Variants in PTPRT observed in about 807,000 individuals in gnomAD.
PTPRT encodes the protein protein tyrosine phosphatase receptor type T.
Under a neutral mutation model 176.8 loss-of-function variants are expected in PTPRT, and 56 were observed. The observed-to-expected ratio is 0.32, with a 90% CI of 0.26 to 0.40. The LOEUF (loss-of-function observed/expected upper bound fraction) is 0.40, where lower values mean the gene tolerates loss of function less well. PTPRT is among the 10% of genes least tolerant of loss of function. PTPRT has a pLI of 1.00. For missense variants in PTPRT, 1,540 were observed against 1,908.2 expected (o/e 0.81, Z 3.60); for synonymous variants, 783 against 739.0 (o/e 1.06, Z -0.96).
chr20:42,318,939 C>T (rs1156235928), intron 11 of PTPRT, among the ~76,000 whole-genome samples: 1 of 152,152 alleles, frequency 6.6e-6, no homozygotes, highest in Non-Finnish European at 1.5e-5. Flanking sequence ...CATGGCTGTC[C>T]TCATTTACTG....
rs118121509 is a variant in PTPRT, at chr20:42,409,856, G to T, written c.1560+38364C>A. On this transcript the variant is annotated intron_variant, in intron 9 of 30. Transcript: ENST00000373187. ...GTCATACTATCTACTTGGCTTAAAA[G>T]AAAACTTGTTTAATTCTAGAAATGG... is the stretch of plus-strand genomic sequence containing the variant. Among the ~76,000 whole-genome samples the T allele has an allele frequency of 2.0e-4, 31 of 152,270 alleles. No homozygotes were observed. In the East Asian group the frequency reaches 5.8e-3, roughly 28 times the overall value.
rs1309966204 is a variant in PTPRT at position 42,106,908 on chromosome 20, G to T, written c.3268C>A (p.Arg1090=). 2 of 1,614,040 alleles carry T rather than the reference G, an allele frequency of 1.2e-6. No individual in the cohort carries two copies. The highest frequency in any genetic ancestry group is 1.7e-6 in the Non-Finnish European group (2 of 1,179,972). Residue 1090 remains arginine (R), a synonymous_variant, in exon 24 of 31, where the codon CGG becomes AGG. Coordinates refer to ENST00000373187, the MANE Select transcript of PTPRT (RefSeq NM_007050.6). ...TCAATGGCAATGAAGCAGCCAGTCC[G>T]CCCAGCCCCAGCACTGGAAGAGAGG... The part of the protein sequence containing the change: ...IVVHCSAGAG[R]TGCFIAIDTM...
intron 14 of PTPRT, among the ~76,000 whole-genome samples, chr20:42,246,775 G>A (rs117654772): frequency 3.9e-5 from 6 of 152,126 alleles, no homozygotes; most frequent in African/African-American, 1.2e-4. Flanking sequence ...AAAATTTCAG[G>A]TCTATCAAAG....
chr20:42,141,920 A>G lies in PTPRT; in HGVS notation c.2765T>C (p.Ile922Thr). 1.2e-6 allele frequency: 2 copies of G among 1,613,808 alleles called. No homozygotes were observed. Among genetic ancestry groups the G allele is most frequent in the Non-Finnish European group, 1.7e-6 (2 of 1,179,662 alleles). Residue 922 changes from isoleucine to threonine, a missense_variant, in exon 18 of 31, where the codon ATA becomes ACA. Ile to Thr is a moderately conservative substitution (Grantham distance 89, BLOSUM62 -1). Transcript: ENST00000373187. The stretch of plus-strand genomic sequence containing the variant: ...GCTCCCAGAAGGGCACCTACAGGAT[A>G]TGATGTTCCCATATCGATTCTTATT... ...NRNKNRYGNI[I>T]SYDHSRVRLL...
At chr20:42,876,295 T>C (rs1302942966) in intron 2 of PTPRT, among the ~76,000 whole-genome samples, 1 of 152,208 alleles carries the variant, frequency 6.6e-6, no homozygotes, top group Non-Finnish European at 1.5e-5. Flanking sequence ...TCAGGTGTGA[T>C]TAAGGACACT....
At chr20:42,493,933 C>T (rs6102861) in intron 7 of PTPRT, among the ~76,000 whole-genome samples, 1,597 of 152,186 alleles carry the variant, frequency 0.01, 33 homozygotes, top group African/African-American at 0.036. Context: ...ACCTCCCCAT[C>T]TTCAGTGGAG....
chr20:42,609,070 A>G (rs981079789), intron 7 of PTPRT, among the ~76,000 whole-genome samples: 3 of 151,910 alleles, frequency 2.0e-5, no homozygotes, highest in African/African-American at 4.8e-5. Flanking sequence ...ACACTCCAAC[A>G]CTTTTTTTTC....
intron 1 of PTPRT, among the ~76,000 whole-genome samples, chr20:42,976,771 C>T (rs1349405611): frequency 1.3e-5 from 2 of 152,152 alleles, no homozygotes; most frequent in East Asian, 3.8e-4. Flanking sequence ...CAGGAAGATG[C>T]TTAAAGGCTC....
intron 2 of PTPRT, among the ~76,000 whole-genome samples, chr20:42,870,315 T>C (rs1338950347): frequency 2.0e-5 from 3 of 152,360 alleles, no homozygotes; most frequent in East Asian, 1.9e-4. Context: ...GGTTCATCCA[T>C]GTTGTAGCAT....
intron 17 of PTPRT, among the ~76,000 whole-genome samples, chr20:42,143,227 G>A (rs1386047247): frequency 6.6e-6 from 1 of 152,198 alleles, no homozygotes; most frequent in Admixed American, 6.5e-5. Flanking sequence ...CAGGCTCTGG[G>A]AGGGGCATGG....
At chr20:42,584,408 C>T (rs1275258266) in intron 7 of PTPRT, among the ~76,000 whole-genome samples, 1 of 152,122 alleles carries the variant, frequency 6.6e-6, no homozygotes, top group Non-Finnish European at 1.5e-5. Context: ...ACGGCATTTG[C>T]ACTTCCTTTC....
At chr20:42,774,243 GA>G (rs1454486791) in intron 4 of PTPRT, among the ~76,000 whole-genome samples, 1 of 152,106 alleles carries the variant, frequency 6.6e-6, no homozygotes, top group Admixed American at 6.5e-5. Context: ...TCCCACTTTT[GA>G]TAGAGACTTG....
At chr20:42,248,274 C>T (rs932371212) in intron 14 of PTPRT, among the ~76,000 whole-genome samples, 14 of 152,146 alleles carry the variant, frequency 9.2e-5, no homozygotes, top group Non-Finnish European at 8.8e-5. Context: ...CAGGGGCAAA[C>T]GGAGGTGAGA....
At chr20:42,914,886 A>T (rs1301267539) in intron 1 of PTPRT, among the ~76,000 whole-genome samples, 1 of 152,256 alleles carries the variant, frequency 6.6e-6, no homozygotes, top group African/African-American at 2.4e-5. Flanking sequence ...TTAAAAAAAA[A>T]AAAAATACAT....
chr20:42,380,578 C>G (rs2058689482), intron 9 of PTPRT, among the ~76,000 whole-genome samples: 1 of 152,162 alleles, frequency 6.6e-6, no homozygotes, highest in African/African-American at 2.4e-5. Flanking sequence ...GGTCACACAG[C>G]AAGAAACAGA....
chr20:42,717,582 A>G (rs2076244316), intron 6 of PTPRT, among the ~76,000 whole-genome samples: 1 of 147,100 alleles, frequency 6.8e-6, no homozygotes, highest in Non-Finnish European at 1.5e-5. Context: ...ATAATGTGAG[A>G]CAGGATTTTT....
intron 5 of PTPRT, among the ~76,000 whole-genome samples, chr20:42,766,480 G>A (rs899864316): frequency 6.6e-6 from 1 of 152,168 alleles, no homozygotes; most frequent in East Asian, 1.9e-4. Flanking sequence ...TGTAGAACTT[G>A]TACTGTAATT....
At chr20:42,209,324 C>G (rs988051643) in intron 15 of PTPRT, among the ~76,000 whole-genome samples, 1 of 151,804 alleles carries the variant, frequency 6.6e-6, no homozygotes, top group Non-Finnish European at 1.5e-5. Context: ...AATAGAGACA[C>G]AAAAAACCCT....
intron 21 of PTPRT, among the ~76,000 whole-genome samples, chr20:42,116,482 C>T (rs1461225087): frequency 2.0e-5 from 3 of 152,170 alleles, no homozygotes; most frequent in Non-Finnish European, 2.9e-5. Context: ...CTCTGAGCCT[C>T]AGCTTCCTAT....
Sources: allele counts gnomAD v4.1 joint callset (sites outside exome capture counted in the v4.1 genomes callset), GRCh38; gene constraint gnomAD v4.1.1; transcripts MANE v1.5; gene names NCBI Gene and HGNC (gene_info 2026-07-23, HGNC 2026-07-21).